Variants in TEX48 observed in about 807,000 individuals in gnomAD.
TEX48 encodes the protein testis expressed 48.
TEX48 carries 10 observed loss-of-function variants against 13.2 expected under a neutral mutation model. The ratio of observed to expected loss-of-function variants is 0.75; its 90% CI spans 0.47 to 1.28. The LOEUF (loss-of-function observed/expected upper bound fraction) is 1.28. Among genes scored for constraint, TEX48 ranks in the 50% most tolerant of loss-of-function variants. The pLI is 0.00. For missense variants in TEX48, 116 were observed against 139.4 expected, an observed-to-expected ratio of 0.83 and a Z score of 0.84; for synonymous variants, 45 against 52.3, an observed-to-expected ratio of 0.86 and a Z score of 0.60.
rs1275476904 is a variant in TEX48 at position 114,671,753 on chromosome 9, G to C, written c.-30C>G. The C allele has an allele frequency of 6.5e-7, 1 of 1,535,552 alleles. No homozygotes were observed. Among genetic ancestry groups the C allele is most frequent in the Non-Finnish European group, 8.7e-7 (1 of 1,146,798 alleles). ...AGGAGTTGAAACTTCTACTCTGCCAGCTTTGTCTGCAGGGGTGCCTTGTTG... is the reference window on the plus strand; with the variant it reads ...AGGAGTTGAAACTTCTACTCTGCCACCTTTGTCTGCAGGGGTGCCTTGTTG... On this transcript the variant is annotated 5_prime_UTR_variant, in exon 2 of 5. Transcript: ENST00000436752.
chr9:114,680,691 G>A (rs994077442), intron 1 of TEX48, among the ~76,000 whole-genome samples: 3 of 152,290 alleles, frequency 2.0e-5, no homozygotes. Flanking sequence ...GAGACCAGAA[G>A]GCAGATAATG....
At chr9:114,672,930 A>G (rs936790225) in intron 1 of TEX48, among the ~76,000 whole-genome samples, 1 of 152,244 alleles carries the variant, frequency 6.6e-6, no homozygotes, top group Non-Finnish European at 1.5e-5. Flanking sequence ...AGCAATGATC[A>G]GTAAACTTGC....
intron 1 of TEX48, 33 bp from the exon 2 acceptor site, chr9:114,671,860 C>G: frequency 2.1e-6 from 2 of 950,482 alleles, no homozygotes; most frequent in Non-Finnish European, 3.2e-6. Flanking sequence ...CTGAAAAATG[C>G]TAGTCCTTCA....
In TEX48 at chr9:114,671,714, T is replaced by C; in HGVS notation, c.4+6A>G. The C allele has an allele frequency of 2.6e-6, 4 of 1,535,720 alleles. No individual in the cohort carries two copies. Among genetic ancestry groups the C allele is most frequent in the African/African-American group, 1.4e-5 (1 of 73,168 alleles). On this transcript the variant is annotated splice_donor_region_variant and intron_variant, in intron 2 of 4. Coordinates refer to ENST00000436752, the MANE Select transcript of TEX48 (RefSeq NM_001199233.2). ...TTTTTTCCTATTCTGTACAAAGTTTTCTTACCCATGGAAAGGAGTTGAAAC... is the reference window on the plus strand; with the variant it reads ...TTTTTTCCTATTCTGTACAAAGTTTCCTTACCCATGGAAAGGAGTTGAAAC...
chr9:114,676,995 C>T (rs1039909123), intron 1 of TEX48, among the ~76,000 whole-genome samples: 1 of 152,220 alleles, frequency 6.6e-6, no homozygotes, highest in Non-Finnish European at 1.5e-5. Context: ...GTTGAATAAA[C>T]ACATGAACCT....
chr9:114,669,468 T>C (rs1197022247), intron 3 of TEX48, among the ~76,000 whole-genome samples: 3 of 150,634 alleles, frequency 2.0e-5, no homozygotes, highest in African/African-American at 7.3e-5. Flanking sequence ...TGAGATAGAG[T>C]TTCGCTCTTG....
chr9:114,669,186 T>A (rs941904021), intron 3 of TEX48, among the ~76,000 whole-genome samples: 1 of 152,206 alleles, frequency 6.6e-6, no homozygotes, highest in African/African-American at 2.4e-5. Flanking sequence ...AATATTTTTC[T>A]CATGTCACTA....
intron 1 of TEX48, among the ~76,000 whole-genome samples, chr9:114,678,745 G>A (rs1201247821): frequency 6.6e-6 from 1 of 151,372 alleles, no homozygotes; most frequent in African/African-American, 2.4e-5. Context: ...CAGAGGCTGA[G>A]GAGAGAGTAT....
chr9:114,672,319 G>T (rs1290769941), intron 1 of TEX48, among the ~76,000 whole-genome samples: 1 of 152,174 alleles, frequency 6.6e-6, no homozygotes, highest in Non-Finnish European at 1.5e-5. Flanking sequence ...CTCCTCGTCA[G>T]TAGTAAGAAG....
At chr9:114,676,170 T>C (rs952337869) in intron 1 of TEX48, among the ~76,000 whole-genome samples, 3 of 152,192 alleles carry the variant, frequency 2.0e-5, no homozygotes, top group Non-Finnish European at 4.4e-5. Flanking sequence ...TTCTTTTCTT[T>C]TTTTATTTTT....
chr9:114,666,743 A>C lies in TEX48; in HGVS notation c.263T>G (p.Leu88Arg). The C allele has an allele frequency of 6.6e-7, 1 of 1,504,676 alleles. No homozygotes were observed. Among genetic ancestry groups the C allele is most frequent in the South Asian group, 1.2e-5 (1 of 83,200 alleles). The allele number at this position is 1,504,676 out of a possible 1,614,324, so 93.2% of individuals were successfully genotyped here. The change falls in exon 5 of 5, where the codon CTG (leucine) becomes CGG (arginine). Residue 88 changes from leucine to arginine, a missense_variant. Physicochemically the swap from Leu to Arg is moderately radical, Grantham distance 102. Coordinates refer to ENST00000436752, the MANE Select transcript of TEX48 (RefSeq NM_001199233.2). ...ATTTCTTTGGGAAGCATATGCATTC[A>C]GATCTGAAAGAAGAAAGGAAAAAAT... ...TSSSSSEFED[L>R]NAYASQRNFY...
Position 114,666,450 on chromosome 9 carries a change from A to G in TEX48, c.*193T>C, listed in dbSNP as rs1827842772. 1 of 499,534 alleles carries G rather than the reference A, an allele frequency of 2.0e-6. No individual in the cohort carries two copies. The highest frequency in any genetic ancestry group is 2.0e-5 in the African/African-American group (1 of 50,814). The allele number at this position is 499,534 out of a possible 1,614,324, so 30.9% of individuals were successfully genotyped here. A position where few individuals can be genotyped will look rare whatever the true frequency, so the allele number is the denominator to read the frequency against. On this transcript the variant is annotated 3_prime_UTR_variant, in exon 5 of 5. Coordinates refer to ENST00000436752, the MANE Select transcript of TEX48 (RefSeq NM_001199233.2). ...GACACATCCTCTGGTGCAATCAAGA[A>G]CTTTAATTGGAGGCAGCTCTTCCCA... is the stretch of plus-strand genomic sequence containing the variant.
rs1397031384 is a variant in TEX48, at chr9:114,682,096, A to G, written c.-166T>C. On this transcript the variant is annotated 5_prime_UTR_variant, in exon 1 of 5. Coordinates refer to ENST00000436752, the MANE Select transcript of TEX48 (RefSeq NM_001199233.2). ...TGTCACAGAGCTGGGGAACCAGGGA[A>G]TGTTGGGGCTGGGATGTTTGGACTG... 2 of 152,628 alleles carry G rather than the reference A, an allele frequency of 1.3e-5. No homozygotes were observed. The highest frequency in any genetic ancestry group is 2.9e-5 in the Non-Finnish European group (2 of 68,314). The allele number at this position is 152,628 out of a possible 1,614,324, so 9.5% of individuals were successfully genotyped here. A position where few individuals can be genotyped will look rare whatever the true frequency, so the allele number is the denominator to read the frequency against.
intron 3 of TEX48, 24 bp downstream of exon 3, chr9:114,671,359 A>T (rs1461837123): frequency 6.5e-7 from 1 of 1,534,234 alleles, no homozygotes; most frequent in Non-Finnish European, 8.7e-7. Flanking sequence ...GAGGCCATGC[A>T]GAGTGTCCTT....
At chr9:114,673,811 T>A (rs1392402650) in intron 1 of TEX48, among the ~76,000 whole-genome samples, 3 of 910 alleles carry the variant, frequency 3.3e-3, no homozygotes, top group African/African-American at 9.1e-3. Flanking sequence ...AATGCAAACT[T>A]TTTTTTTTTT....
At chr9:114,673,200 C>T (rs1005508367) in intron 1 of TEX48, among the ~76,000 whole-genome samples, 1 of 152,098 alleles carries the variant, frequency 6.6e-6, no homozygotes, top group Admixed American at 6.5e-5. Context: ...CGACCGGGCG[C>T]GGTGGCTCAT....
intron 1 of TEX48, among the ~76,000 whole-genome samples, chr9:114,674,909 G>C (rs144648309): frequency 1.2e-4 from 18 of 148,680 alleles, no homozygotes; most frequent in African/African-American, 4.0e-4. Context: ...GAAATCAAGT[G>C]ATCCTCCCAT....
At chr9:114,671,631 C>T in intron 2 of TEX48, 89 bp downstream of exon 2, 1 of 1,529,668 alleles carries the variant, frequency 6.5e-7, no homozygotes, top group Non-Finnish European at 8.8e-7. Context: ...TAATACTCCT[C>T]CCCTCTCCCA....
chr9:114,681,652 G>T (rs901859645), intron 1 of TEX48, among the ~76,000 whole-genome samples: 2 of 152,144 alleles, frequency 1.3e-5, no homozygotes, highest in Non-Finnish European at 2.9e-5. Context: ...AGATGCCTAG[G>T]GGATGTGTGG....
Sources: allele counts gnomAD v4.1 joint callset (sites outside exome capture counted in the v4.1 genomes callset), GRCh38; gene constraint gnomAD v4.1.1; transcripts MANE v1.5; gene names NCBI Gene and HGNC (gene_info 2026-07-23, HGNC 2026-07-21).